The following AFF3 variants were observed in gnomAD, a reference collection of about 807,000 sequenced individuals.
The protein encoded by AFF3 is AF4/FMR2 family member 3.
AFF3 carries 32 observed loss-of-function variants against 129.7 expected under a neutral mutation model. The observed-to-expected ratio is 0.25, with a 90% CI of 0.19 to 0.33. The LOEUF is 0.33. Among genes scored for constraint, AFF3 ranks in the 10% least tolerant of loss-of-function variants. AFF3 has a pLI of 1.00. For missense variants in AFF3, 1,373 were observed against 1,592.0 expected, an observed-to-expected ratio of 0.86 and a Z score of 2.34; for synonymous variants, 644 against 635.4, an observed-to-expected ratio of 1.01 and a Z score of -0.20.
At chr2:99,828,312 G>A (rs749921559) in intron 8 of AFF3, among the ~76,000 whole-genome samples, 13 of 152,150 alleles carry the variant, frequency 8.5e-5, no homozygotes, top group Non-Finnish European at 1.9e-4. Context: ...ACCCTTCAAG[G>A]AAGAGAGCAT....
Position 99,789,354 on chromosome 2 carries a change from G to A in AFF3, c.922-37053C>T, listed in dbSNP as rs563419353. Among the ~76,000 whole-genome samples the A allele has an allele frequency of 1.5e-4, 22 of 151,162 alleles. No individual in the cohort carries two copies. In the East Asian group the frequency reaches 3.3e-3, roughly 23 times the overall value. Reference sequence around the variant, plus strand: ...TCAAAGCTACTTGGGAGGCTGGGGCGGGAGGATTGCTTGAGTTCAAGAGTT... The same window carrying A: ...TCAAAGCTACTTGGGAGGCTGGGGCAGGAGGATTGCTTGAGTTCAAGAGTT... On this transcript the variant is annotated intron_variant, in intron 8 of 24. Coordinates refer to ENST00000672756, the MANE Select transcript of AFF3 (RefSeq NM_001386135.1).
intron 7 of AFF3, among the ~76,000 whole-genome samples, chr2:99,869,823 G>A (rs1691734158): frequency 6.6e-6 from 1 of 152,184 alleles, no homozygotes; most frequent in African/African-American, 2.4e-5. Flanking sequence ...ACTGGTGGAT[G>A]CACTCAAAAT....
intron 13 of AFF3, among the ~76,000 whole-genome samples, chr2:99,638,505 G>A (rs1683881004): frequency 6.9e-6 from 1 of 144,222 alleles, no homozygotes; most frequent in African/African-American, 2.6e-5. Flanking sequence ...TGTGGTCACA[G>A]ACACCTGGCT....
At chr2:99,612,009 C>G (rs1399380594) in intron 13 of AFF3, among the ~76,000 whole-genome samples, 3 of 152,222 alleles carry the variant, frequency 2.0e-5, no homozygotes, top group Non-Finnish European at 4.4e-5. Flanking sequence ...CCAGCATCCA[C>G]TCTGTGCTAT....
At chr2:99,787,583 A>G (rs1223990291) in intron 8 of AFF3, among the ~76,000 whole-genome samples, 1 of 152,178 alleles carries the variant, frequency 6.6e-6, no homozygotes, top group East Asian at 1.9e-4. Flanking sequence ...TAGTCACTTA[A>G]TCATGAATTC....
intron 7 of AFF3, among the ~76,000 whole-genome samples, chr2:99,963,216 GTAAA>G (rs1010886140): frequency 2.6e-5 from 4 of 151,954 alleles, no homozygotes; most frequent in African/African-American, 4.8e-5. Context: ...AAATGAAAGG[GTAAA>G]TAAAGACATT....
At chr2:99,997,182 A>C (rs544464126) in intron 7 of AFF3, among the ~76,000 whole-genome samples, 10 of 152,218 alleles carry the variant, frequency 6.6e-5, no homozygotes, top group Admixed American at 2.6e-4. Context: ...TTCGTTCTCC[A>C]AACTCCAGAC....
chr2:100,109,894 T>G (rs943417943), intron 2 of AFF3: 7 of 152,224 alleles, frequency 4.6e-5, no homozygotes, highest in Non-Finnish European at 1.0e-4. Flanking sequence ...CCACAACTTT[T>G]GCCTTAATTA....
At chr2:99,904,244 T>C (rs1694553600) in intron 7 of AFF3, among the ~76,000 whole-genome samples, 1 of 152,112 alleles carries the variant, frequency 6.6e-6, no homozygotes. Context: ...CAATACACAA[T>C]GCAAAACAGG....
At chr2:99,763,255 G>T (rs7589376) in intron 8 of AFF3, among the ~76,000 whole-genome samples, 106,224 of 152,182 alleles carry the variant, frequency 0.7, 37,875 homozygotes, top group East Asian at 0.91. Flanking sequence ...GAACTAGGAA[G>T]TCACACTTAA....
chr2:99,661,602 C>T (rs749957082), intron 12 of AFF3, among the ~76,000 whole-genome samples: 24 of 152,056 alleles, frequency 1.6e-4, no homozygotes, highest in African/African-American at 4.3e-4. Context: ...ATTGAGTCTC[C>T]GAGGAGATTC....
chr2:100,028,872 T>G (rs1248403807), intron 4 of AFF3, among the ~76,000 whole-genome samples: 1 of 152,062 alleles, frequency 6.6e-6, no homozygotes, highest in African/African-American at 2.4e-5. Flanking sequence ...CCTCAAAAAA[T>G]TAAAAGTAGA....
At position 99,563,810 on chromosome 2, in the gene AFF3, C is replaced by CAAA. The variant is rs34843347; in HGVS notation, c.3119+1674_3119+1676dup. On this transcript the variant is annotated intron_variant, in intron 20 of 24. Coordinates refer to ENST00000672756, the MANE Select transcript of AFF3 (RefSeq NM_001386135.1). Reference sequence around the variant, plus strand: ...GGGCAGTAAGAGTGAAATTTAGTCTCAAAAAAAAAAAAAAAAAAAAAAAGA... The same window carrying CAAA: ...GGGCAGTAAGAGTGAAATTTAGTCTCAAAAAAAAAAAAAAAAAAAAAAAAAAGA... Among the ~76,000 whole-genome samples, 422 of 75,188 alleles carry CAAA rather than the reference C, an allele frequency of 5.6e-3. 4 individuals are homozygous for CAAA. The highest frequency in any genetic ancestry group is 8.3e-3 in the Non-Finnish European group (345 of 41,768). The allele number at this position is 75,188 out of a possible 152,430, so 49.3% of individuals were successfully genotyped here.
At chr2:100,069,473 TTAAA>T (rs1687996583) in intron 4 of AFF3, among the ~76,000 whole-genome samples, 1 of 152,180 alleles carries the variant, frequency 6.6e-6, no homozygotes, top group African/African-American at 2.4e-5. Context: ...ATGGAGATAT[TTAAA>T]TAACACGTAA....
chr2:99,648,730 T>C (rs2105589052), intron 13 of AFF3, among the ~76,000 whole-genome samples: 1 of 152,032 alleles, frequency 6.6e-6, no homozygotes, highest in South Asian at 2.1e-4. Flanking sequence ...AAAAAGGAAC[T>C]GGGAAGGAAG....
intron 10 of AFF3, among the ~76,000 whole-genome samples, chr2:99,728,623 T>A (rs1427002358): frequency 2.6e-5 from 4 of 152,220 alleles, no homozygotes; most frequent in Non-Finnish European, 5.9e-5. Context: ...TTCGTACATC[T>A]ATCTCAGACA....
At chr2:99,956,742 G>A (rs555635049) in intron 7 of AFF3, among the ~76,000 whole-genome samples, 45 of 152,308 alleles carry the variant, frequency 3.0e-4, no homozygotes, top group Admixed American at 9.8e-4. Context: ...AACTGAGCAA[G>A]AGGCAATTTT....
intron 3 of AFF3, chr2:100,104,798 A>AGCCGCTGCCGCC (rs1691125469): frequency 3.2e-6 from 2 of 616,522 alleles, no homozygotes; most frequent in Non-Finnish European, 3.8e-6. Flanking sequence ...CCGCTGCTGC[A>AGCCGCTGCCGCC]GCCGCCGCCG....
intron 4 of AFF3, among the ~76,000 whole-genome samples, chr2:100,095,668 G>A (rs530293424): frequency 6.6e-6 from 1 of 152,200 alleles, no homozygotes; most frequent in Non-Finnish European, 1.5e-5. Context: ...GAAAATGTGT[G>A]TATGTGCACT....
Sources: allele counts gnomAD v4.1 joint callset (sites outside exome capture counted in the v4.1 genomes callset), GRCh38; gene constraint gnomAD v4.1.1; transcripts MANE v1.5; gene names NCBI Gene and HGNC (gene_info 2026-07-23, HGNC 2026-07-21).